Variants in MAP2 observed in about 807,000 individuals in gnomAD.
MAP2 encodes microtubule-associated protein 2.
In MAP2, 14 loss-of-function variants were observed where a neutral mutation model predicts 137.6. That is an observed-to-expected ratio of 0.10 (90% CI 0.07 to 0.16). The LOEUF (loss-of-function observed/expected upper bound fraction) is 0.16. MAP2 is among the 10% of genes least tolerant of loss of function. The pLI, the probability that MAP2 is intolerant of heterozygous loss-of-function variation, is 1.00. For missense variants in MAP2, 2,088 were observed against 2,191.5 expected, an observed-to-expected ratio of 0.95 and a Z score of 0.94; for synonymous variants, 786 against 782.3, an observed-to-expected ratio of 1.00 and a Z score of -0.08.
intron 3 of MAP2, among the ~76,000 whole-genome samples, chr2:209,609,399 A>AT (rs2086027768): frequency 6.6e-6 from 1 of 152,088 alleles, no homozygotes; most frequent in Non-Finnish European, 1.5e-5. Context: ...TAGTTCAGTG[A>AT]TTTTTAGTGT....
intron 1 of MAP2, among the ~76,000 whole-genome samples, chr2:209,444,063 T>C (rs1244675845): frequency 1.3e-5 from 2 of 151,812 alleles, no homozygotes; most frequent in African/African-American, 4.8e-5. Flanking sequence ...GAGATTTTCA[T>C]AAGGTCAGCA....
intron 3 of MAP2, among the ~76,000 whole-genome samples, chr2:209,600,450 C>G (rs909559121): frequency 6.6e-6 from 1 of 152,106 alleles, no homozygotes; most frequent in Non-Finnish European, 1.5e-5. Flanking sequence ...TGCTGTCAGT[C>G]CCCCCAGCTG....
At chr2:209,723,701 C>G (rs762580163) in intron 13 of MAP2, 1 of 1,602,954 alleles carries the variant, frequency 6.2e-7, no homozygotes. Context: ...AGTAGAAGCG[C>G]CTTTTAGAAA....
At chr2:209,653,060 A>C in intron 4 of MAP2, 82 bp from the exon 5 acceptor site, 2 of 1,099,958 alleles carry the variant, frequency 1.8e-6, no homozygotes, top group African/African-American at 1.6e-5. Context: ...ACGGTTTGCT[A>C]CAAATTTTTC....
intron 2 of MAP2, among the ~76,000 whole-genome samples, chr2:209,528,901 T>C (rs535402459): frequency 6.2e-4 from 94 of 150,936 alleles, no homozygotes; most frequent in African/African-American, 2.2e-3. Flanking sequence ...TACATATATA[T>C]ACACACATAT....
chr2:209,726,213 T>G (rs1455151029), intron 14 of MAP2, among the ~76,000 whole-genome samples: 4 of 152,160 alleles, frequency 2.6e-5, no homozygotes. Context: ...GCTGAAGAAG[T>G]GTATTTATCT....
chr2:209,692,293 T>C (rs2059115487), intron 7 of MAP2, among the ~76,000 whole-genome samples: 1 of 151,508 alleles, frequency 6.6e-6, no homozygotes, highest in Non-Finnish European at 1.5e-5. Flanking sequence ...GGCACATGAA[T>C]TTGTTTCTTC....
intron 1 of MAP2, among the ~76,000 whole-genome samples, chr2:209,484,218 G>A (rs1324891038): frequency 6.6e-6 from 1 of 152,196 alleles, no homozygotes; most frequent in Admixed American, 6.5e-5. Context: ...TTCCCCCTGA[G>A]TGCAGTAGAA....
chr2:209,501,925 A>G (rs970016561), intron 1 of MAP2, among the ~76,000 whole-genome samples: 2 of 152,198 alleles, frequency 1.3e-5, no homozygotes, highest in African/African-American at 2.4e-5. Flanking sequence ...CCACCAGGTC[A>G]AAAATGAATA....
chr2:209,436,025 AAT>A (rs1427257422), intron 1 of MAP2, among the ~76,000 whole-genome samples: 3 of 77,292 alleles, frequency 3.9e-5, no homozygotes, highest in African/African-American at 7.1e-5. Context: ...TTATATATAA[AAT>A]ATATATATAT....
At position 209,730,302 on chromosome 2, in the gene MAP2, G is replaced by T; in HGVS notation, c.5389G>T (p.Val1797Phe). The T allele has an allele frequency of 1.2e-6, 2 of 1,614,118 alleles. No homozygotes were observed. The highest frequency in any genetic ancestry group is 1.7e-6 in the Non-Finnish European group (2 of 1,180,006). The change falls in exon 16 of 16, where the codon GTC (valine) becomes TTC (phenylalanine). Residue 1797 changes from valine to phenylalanine, a missense_variant. Around this residue, in one of 6 missense-constraint regions of MAP2, gnomAD observed 112 missense variants for 201.0 expected, o/e 0.56. Coordinates refer to ENST00000682079, the MANE Select transcript of MAP2 (RefSeq NM_001375505.1). Reference protein sequence around the residue: ...SVASPRRLSNVSSSGSINLLE... With the variant: ...SVASPRRLSNFSSSGSINLLE... ...GGCATCACCCCGACGACTCAGCAAT[G>T]TCTCCTCGTCTGGAAGCATCAACCT...
At chr2:209,589,674 G>A (rs1055639434) in intron 3 of MAP2, among the ~76,000 whole-genome samples, 1 of 152,052 alleles carries the variant, frequency 6.6e-6, no homozygotes, top group African/African-American at 2.4e-5. Flanking sequence ...ATATATCACA[G>A]AAAATGAAAT....
Position 209,454,346 on chromosome 2 carries a change from A to G in MAP2, c.-222+30070A>G, listed in dbSNP as rs569269827. Among the ~76,000 whole-genome samples the G allele has an allele frequency of 1.6e-4, 24 of 152,126 alleles. No homozygotes were observed. The East Asian group carries it at 4.7e-3, about 30-fold the overall frequency. On this transcript the variant is annotated intron_variant, in intron 1 of 15. Coordinates refer to ENST00000682079, the MANE Select transcript of MAP2 (RefSeq NM_001375505.1). ...TATATTCACTGAATACTGAATATATAAAGAGAGAGATGGAGTCTCGCTCTG... is the reference window on the plus strand; with the variant it reads ...TATATTCACTGAATACTGAATATATGAAGAGAGAGATGGAGTCTCGCTCTG...
At chr2:209,493,743 A>C (rs1203759311) in intron 1 of MAP2, among the ~76,000 whole-genome samples, 1 of 152,262 alleles carries the variant, frequency 6.6e-6, no homozygotes, top group Non-Finnish European at 1.5e-5. Context: ...ATACCATCTC[A>C]TGCCAGTTAG....
At chr2:209,471,856 T>G (rs1041508072) in intron 1 of MAP2, among the ~76,000 whole-genome samples, 1 of 152,114 alleles carries the variant, frequency 6.6e-6, no homozygotes, top group Non-Finnish European at 1.5e-5. Context: ...TAGTAGGAAT[T>G]TCTAACTTTA....
At chr2:209,656,909 T>G (rs970356644) in intron 5 of MAP2, among the ~76,000 whole-genome samples, 4 of 152,174 alleles carry the variant, frequency 2.6e-5, no homozygotes, top group Non-Finnish European at 4.4e-5. Context: ...AGGTAATTTT[T>G]CAACCCTCAC....
At chr2:209,508,999 G>T (rs1384907272) in intron 2 of MAP2, among the ~76,000 whole-genome samples, 2 of 151,844 alleles carry the variant, frequency 1.3e-5, no homozygotes, top group African/African-American at 4.8e-5. Context: ...TGAGATTTTT[G>T]TAAAGTATAC....
intron 1 of MAP2, among the ~76,000 whole-genome samples, chr2:209,427,369 ATTAG>A (rs776563644): frequency 9.2e-5 from 14 of 152,320 alleles, no homozygotes; most frequent in South Asian, 4.1e-4. Context: ...TCTGTTATAG[ATTAG>A]TTAAAGATGC....
chr2:209,686,585 C>G (rs1047412805), intron 7 of MAP2, among the ~76,000 whole-genome samples: 7 of 152,080 alleles, frequency 4.6e-5, no homozygotes, highest in African/African-American at 1.7e-4. Context: ...GCAAATTTAG[C>G]AACCACCACA....
Sources: gnomAD v4.1 joint callset for allele counts (sites outside exome capture counted in the v4.1 genomes callset) on GRCh38, gnomAD v4.1.1 for gene constraint, gnomAD v4.1.1 regional missense constraint, MANE v1.5 for transcripts, NCBI Gene and HGNC (gene_info 2026-07-23, HGNC 2026-07-21) for gene names.